The following LRP11 variants were observed in gnomAD, a reference collection of about 807,000 sequenced individuals.
The protein encoded by LRP11 is low-density lipoprotein receptor-related protein 11.
Under a neutral mutation model 43.1 loss-of-function variants are expected in LRP11, and 25 were observed. That is an observed-to-expected ratio of 0.58 (90% CI 0.42 to 0.81). The LOEUF (loss-of-function observed/expected upper bound fraction) is 0.81, where lower values mean the gene tolerates loss of function less well. Ranked by LOEUF, LRP11 falls within the 30% of genes least tolerant of loss-of-function variation. LRP11 has a pLI of 0.00. For synonymous variants in LRP11, 316 were observed against 299.4 expected (o/e 1.06, Z -0.57); for missense variants, 623 against 665.1 (o/e 0.94, Z 0.70).
At chr6:149,852,007 C>CA (rs1776726953) in intron 2 of LRP11, among the ~76,000 whole-genome samples, 1 of 152,160 alleles carries the variant, frequency 6.6e-6, no homozygotes, top group Admixed American at 6.5e-5. Flanking sequence ...AACTCACTCA[C>CA]TATCATGAGA....
chr6:149,825,297 A>T (rs1776324446), intron 6 of LRP11, among the ~76,000 whole-genome samples: 2 of 152,244 alleles, frequency 1.3e-5, no homozygotes, highest in African/African-American at 4.8e-5. Flanking sequence ...AACCAAAATT[A>T]AAGAAATTAT....
intron 1 of LRP11, among the ~76,000 whole-genome samples, chr6:149,854,495 A>G: frequency 6.6e-6 from 1 of 152,244 alleles, no homozygotes; most frequent in African/African-American, 2.4e-5. Context: ...CAGCTGCTAC[A>G]GGGATGACCG....
At position 149,863,568 on chromosome 6, in the gene LRP11, G is replaced by C; in HGVS notation, c.453C>G (p.Pro151=). Reference sequence around the variant, plus strand: ...AGCCGAGCACGGCTGCCGGGGGCGCGGGGCGCCGGGGCAGCTCCACCACGG... The same window carrying C: ...AGCCGAGCACGGCTGCCGGGGGCGCCGGGCGCCGGGGCAGCTCCACCACGG... ...SVAVVELPRR[P]APPAAVLGCY... The change falls in exon 1 of 7, where the codon CCC becomes CCG. Residue 151 remains proline (P), a synonymous_variant. Coordinates refer to ENST00000239367, the MANE Select transcript of LRP11 (RefSeq NM_032832.6). 1 of 1,381,584 alleles carries C rather than the reference G, an allele frequency of 7.2e-7. No individual in the cohort carries two copies. 85.6% of individuals were successfully genotyped at this position (1,381,584 alleles called of 1,614,324 possible). A position where few individuals can be genotyped will look rare whatever the true frequency, so the allele number is the denominator to read the frequency against.
In LRP11 at chr6:149,852,984, C is replaced by A; in HGVS notation, c.771+19G>T. 6.4e-7 allele frequency: 1 copy of A among 1,559,002 alleles called. No individual in the cohort carries two copies. The highest frequency in any genetic ancestry group is 8.7e-7 in the Non-Finnish European group (1 of 1,151,362). On this transcript the variant is annotated intron_variant, in intron 2 of 6. Coordinates refer to ENST00000239367, the MANE Select transcript of LRP11 (RefSeq NM_032832.6). ...TCACTGAAATACTCGTTTTTGTTAG[C>A]AGTGACAACATGCGTTACCTTCATG...
At position 149,820,301 on chromosome 6, in the gene LRP11, A is replaced by T; in HGVS notation, c.*248T>A. The stretch of plus-strand genomic sequence containing the variant: ...CAGCTAAGTACACATTTCTATTTTC[A>T]GGGACAGCTTACATAAATCAGAATT... On this transcript the variant is annotated 3_prime_UTR_variant, in exon 7 of 7. Transcript: ENST00000239367. 1 of 329,884 alleles carries T rather than the reference A, an allele frequency of 3.0e-6. No homozygotes were observed. Among genetic ancestry groups the T allele is most frequent in the Non-Finnish European group, 5.6e-6 (1 of 179,882 alleles). The allele number at this position is 329,884 out of a possible 1,614,324, so 20.4% of individuals were successfully genotyped here.
rs1163759560 is a variant in LRP11, at chr6:149,859,396, ATT to A, written c.613+4010_613+4011del. Among the ~76,000 whole-genome samples the A allele has an allele frequency of 3.5e-4, 25 of 71,476 alleles. No individual in the cohort carries two copies. In the East Asian group the frequency reaches 5.3e-3, roughly 15 times the overall value. 46.9% of individuals were successfully genotyped at this position (71,476 alleles called of 152,430 possible). Reference sequence around the variant, plus strand: ...CTGACTCATATATATATATATATATATTTTTTTTTTTTTTTTTTTGACCGAGT... The same window carrying A: ...CTGACTCATATATATATATATATATATTTTTTTTTTTTTTTTTGACCGAGT... On this transcript the variant is annotated intron_variant, in intron 1 of 6. Coordinates refer to ENST00000239367, the MANE Select transcript of LRP11 (RefSeq NM_032832.6).
chr6:149,818,957 T>C lies in LRP11; in HGVS notation c.*1592A>G, dbSNP rs369820060. 1 of 152,650 alleles carries C rather than the reference T, an allele frequency of 6.6e-6. No individual in the cohort carries two copies. The highest frequency in any genetic ancestry group is 2.4e-5 in the African/African-American group (1 of 41,456). The allele number at this position is 152,650 out of a possible 1,614,324, so 9.5% of individuals were successfully genotyped here. ...GTTTTTATTTTATTGGTTATGGCTA[T>C]AGTTGACATCTTTCCATATAAAAAC... On this transcript the variant is annotated 3_prime_UTR_variant, in exon 7 of 7. Transcript: ENST00000239367.
chr6:149,859,396 A>ATATATATATATATATATATATAT, intron 1 of LRP11, among the ~76,000 whole-genome samples: 8 of 71,496 alleles, frequency 1.1e-4, no homozygotes, highest in South Asian at 5.2e-4. Flanking sequence ...ATATATATAT[A>ATATATATATATATATATATATAT]TTTTTTTTTT....
intron 6 of LRP11, among the ~76,000 whole-genome samples, chr6:149,825,545 C>A (rs1342043605): frequency 6.6e-6 from 1 of 152,102 alleles, no homozygotes; most frequent in Non-Finnish European, 1.5e-5. Flanking sequence ...TTCTTCTCAG[C>A]AACCCTATGA....
intron 6 of LRP11, among the ~76,000 whole-genome samples, chr6:149,822,876 C>T (rs911960062): frequency 4.6e-5 from 7 of 152,130 alleles, no homozygotes; most frequent in African/African-American, 1.7e-4. Context: ...ATTGAGATGC[C>T]TATCAGCGAT....
Position 149,843,001 on chromosome 6 carries a change from C to A in LRP11, c.895G>T (p.Ala299Ser). 1 of 1,614,192 alleles carries A rather than the reference C, an allele frequency of 6.2e-7. No individual in the cohort carries two copies. Among genetic ancestry groups the A allele is most frequent in the South Asian group, 1.1e-5 (1 of 91,086 alleles). ...SDNVSVTVLR[A>S]AYSTGGCLHT... ...TTCTCACCTCCTGTGGAGTAGGCTG[C>A]GCGAAGCACTGTCACTGACACGTTG... Residue 299 changes from alanine (A) to serine (S), a missense_variant, in exon 3 of 7, where the codon GCA (alanine) becomes TCA (serine). Physicochemically the swap from Ala to Ser is moderately conservative, Grantham distance 99 (BLOSUM62 1). Transcript: ENST00000239367.
chr6:149,834,424 C>T (rs1776446985), intron 5 of LRP11, among the ~76,000 whole-genome samples: 1 of 152,202 alleles, frequency 6.6e-6, no homozygotes, highest in Non-Finnish European at 1.5e-5. Context: ...AAGGTAGAGC[C>T]AAGACCTGGG....
chr6:149,831,343 C>T (rs1413542021), intron 5 of LRP11, among the ~76,000 whole-genome samples: 1 of 152,242 alleles, frequency 6.6e-6, no homozygotes, highest in African/African-American at 2.4e-5. Context: ...TGTAGCACCA[C>T]TTTTCTAGCC....
In LRP11 at chr6:149,826,278, G is replaced by A. The variant is rs778143366; in HGVS notation, c.1334C>T (p.Pro445Leu). The A allele has an allele frequency of 2.7e-5, 44 of 1,613,042 alleles. No homozygotes were observed. In the Admixed American group the frequency reaches 4.3e-4, roughly 16 times the overall value. The change falls in exon 6 of 7, where the codon CCA becomes CTA. Residue 445 changes from proline to leucine, a missense_variant. By Grantham distance (98) the Pro-to-Leu change is moderately conservative. Coordinates refer to ENST00000239367, the MANE Select transcript of LRP11 (RefSeq NM_032832.6). Reference sequence around the variant, plus strand: ...TGGACATTTACCTGTTTCTGGGGCTGGGTGTTCCCCTCCTCCTCCATCACC... The same window carrying A: ...TGGACATTTACCTGTTTCTGGGGCTAGGTGTTCCCCTCCTCCTCCATCACC... ...SKGDGGGGEH[P>L]APETGAVLPL... is the part of the protein sequence containing the mutation.
At chr6:149,846,675 C>T (rs1453560142) in intron 2 of LRP11, among the ~76,000 whole-genome samples, 4 of 152,082 alleles carry the variant, frequency 2.6e-5, no homozygotes, top group Admixed American at 6.6e-5. Flanking sequence ...CAGTGGCTCA[C>T]GCCTGTAATC....
chr6:149,863,465 G>GGCTGTA lies in LRP11; in HGVS notation c.550_555dup (p.Tyr184_Ser185dup). 1 of 1,338,728 alleles carries GGCTGTA rather than the reference G, an allele frequency of 7.5e-7. No homozygotes were observed. Among genetic ancestry groups the GGCTGTA allele is most frequent in the Non-Finnish European group, 9.5e-7 (1 of 1,053,490 alleles). The allele number at this position is 1,338,728 out of a possible 1,614,324, so 82.9% of individuals were successfully genotyped here. A position where few individuals can be genotyped will look rare whatever the true frequency, so the allele number is the denominator to read the frequency against. On this transcript the variant is annotated inframe_insertion, in exon 1 of 7. Coordinates refer to ENST00000239367, the MANE Select transcript of LRP11 (RefSeq NM_032832.6). ...GCGGCGCCGTCCGGCGCGCGGCTGA[G>GGCTGTA]GCTGTAGCTGCTGTAGCCGCTGTGC...
intron 5 of LRP11, among the ~76,000 whole-genome samples, chr6:149,828,172 CAG>C (rs1776364702): frequency 6.6e-6 from 1 of 150,778 alleles, no homozygotes; most frequent in Admixed American, 6.6e-5. Context: ...ACCTGGGCAA[CAG>C]AGACTCCTTT....
Position 149,827,956 on chromosome 6 carries a change from A to T in LRP11, c.1253-1597T>A, listed in dbSNP as rs1776361293. Reference sequence around the variant, plus strand: ...AGAATGGCGTGAACCCTGGAGGCGGAGCTTGCAGTGAGCCGAGATCGCGCC... The same window carrying T: ...AGAATGGCGTGAACCCTGGAGGCGGTGCTTGCAGTGAGCCGAGATCGCGCC... On this transcript the variant is annotated intron_variant, in intron 5 of 6. Coordinates refer to ENST00000239367, the MANE Select transcript of LRP11 (RefSeq NM_032832.6). The surrounding 1 kb of genome is among the most constrained non-coding windows in gnomAD (Gnocchi z 4.2). 1.3e-5 allele frequency among the ~76,000 whole-genome samples: 2 copies of T among 150,024 alleles called. 1 individual carries two copies. The highest frequency in any genetic ancestry group is 4.2e-4 in the South Asian group (2 of 4,766).
Position 149,863,994 on chromosome 6 carries a change from CG to C in LRP11, c.26del (p.Ala9GlyfsTer221). On this transcript the variant is annotated frameshift_variant, in exon 1 of 7. Coordinates refer to ENST00000239367, the MANE Select transcript of LRP11 (RefSeq NM_032832.6). LOFTEE classifies it high-confidence loss of function. MASVAQES[A>X]GSQRRLPPRH... ...GCGGCGGTAGCCGGCGCTGCGAGCC[CG>C]CGCTCTCCTGGGCGACGGAGGCCAT... 7.2e-7 allele frequency: 1 copy of C among 1,393,752 alleles called. No individual in the cohort carries two copies. The highest frequency in any genetic ancestry group is 9.2e-7 in the Non-Finnish European group (1 of 1,081,476). The allele number at this position is 1,393,752 out of a possible 1,614,324, so 86.3% of individuals were successfully genotyped here.
Sources: gnomAD v4.1 joint callset for allele counts (sites outside exome capture counted in the v4.1 genomes callset) on GRCh38, gnomAD v4.1.1 for gene constraint, Gnocchi (gnomAD v3.1) non-coding constraint, MANE v1.5 for transcripts, NCBI Gene and HGNC (gene_info 2026-07-23, HGNC 2026-07-21) for gene names.